Variants in MYO3B observed in about 807,000 individuals in gnomAD.
The protein encoded by MYO3B is myosin IIIB, also known as myosin-IIIb.
MYO3B carries 156 observed loss-of-function variants against 174.6 expected under a neutral mutation model. That is an observed-to-expected ratio of 0.89 (90% CI 0.78 to 1.02). MYO3B has a LOEUF of 1.02. Ranked by LOEUF, MYO3B falls within the 50% of genes least tolerant of loss-of-function variation. The pLI, the probability that MYO3B is intolerant of heterozygous loss-of-function variation, is 0.00. For missense variants in MYO3B, 1,632 were observed against 1,639.4 expected (o/e 1.00, Z 0.08); for synonymous variants, 563 against 569.1 (o/e 0.99, Z 0.15).
At position 170,646,151 on chromosome 2, in the gene MYO3B, A is replaced by T. The variant is rs1220540791; in HGVS notation, c.3734-5477A>T. On this transcript the variant is annotated intron_variant, in intron 32 of 34. Transcript: ENST00000408978. Reference sequence around the variant, plus strand: ...CCGGGCGTGGCGGCACATGCCTGTAATCCCAGCTACTAGGGAGGCTGAGGA... The same window carrying T: ...CCGGGCGTGGCGGCACATGCCTGTATTCCCAGCTACTAGGGAGGCTGAGGA... 3.3e-5 allele frequency among the ~76,000 whole-genome samples: 5 copies of T among 151,868 alleles called. 1 individual carries two copies. Among genetic ancestry groups the T allele is most frequent in the African/African-American group, 1.2e-4 (5 of 41,388 alleles).
At chr2:170,378,481 G>A (rs2094310604) in intron 9 of MYO3B, among the ~76,000 whole-genome samples, 1 of 152,160 alleles carries the variant, frequency 6.6e-6, no homozygotes, top group South Asian at 2.1e-4. Context: ...GCCACACATT[G>A]CTACTAATAG....
chr2:170,643,241 A>C (rs1355070952), intron 32 of MYO3B, among the ~76,000 whole-genome samples: 2 of 152,236 alleles, frequency 1.3e-5, no homozygotes, highest in African/African-American at 2.4e-5. Context: ...AAATGAGATG[A>C]AGTAAACAAA....
intron 32 of MYO3B, among the ~76,000 whole-genome samples, chr2:170,651,149 C>T (rs1364327058): frequency 6.6e-6 from 1 of 152,152 alleles, no homozygotes; most frequent in Non-Finnish European, 1.5e-5. Flanking sequence ...TAAATTTTAG[C>T]TCAAGCCATT....
chr2:170,546,321 A>G (rs1162031820), intron 32 of MYO3B, among the ~76,000 whole-genome samples: 1 of 152,230 alleles, frequency 6.6e-6, no homozygotes, highest in Admixed American at 6.5e-5. Context: ...AACCTAGCCT[A>G]GGTCTCGAAT....
intron 8 of MYO3B, among the ~76,000 whole-genome samples, chr2:170,365,991 G>T (rs1175380121): frequency 6.6e-6 from 1 of 152,114 alleles, no homozygotes; most frequent in Non-Finnish European, 1.5e-5. Flanking sequence ...TTTGTTTTGC[G>T]TTAAATGAAG....
chr2:170,546,998 G>T (rs887810415), intron 32 of MYO3B, among the ~76,000 whole-genome samples: 6 of 152,070 alleles, frequency 3.9e-5, no homozygotes, highest in Non-Finnish European at 7.4e-5. Flanking sequence ...TAAATATGGG[G>T]CTTAAACAAG....
At chr2:170,419,942 T>C (rs1211634168) in intron 22 of MYO3B, among the ~76,000 whole-genome samples, 1 of 152,168 alleles carries the variant, frequency 6.6e-6, no homozygotes, top group Non-Finnish European at 1.5e-5. Flanking sequence ...CCCAGCACTT[T>C]GGGAGGCCGA....
Position 170,649,244 on chromosome 2 carries a change from ATATATAAAATAATATATAATATAT to A in MYO3B, c.3734-2377_3734-2354del, listed in dbSNP as rs1367656964. 1.2e-4 allele frequency among the ~76,000 whole-genome samples: 6 copies of A among 50,582 alleles called. 1 individual carries two copies. The highest frequency in any genetic ancestry group is 5.8e-4 in the African/African-American group (6 of 10,404). 33.2% of individuals were successfully genotyped at this position (50,582 alleles called of 152,430 possible). ...TATTATATATAAAATAATATATATT[ATATATAAAATAATATATAATATAT>A]TATATATAAAATAATATATATTATA... On this transcript the variant is annotated intron_variant, in intron 32 of 34. Coordinates refer to ENST00000408978, the MANE Select transcript of MYO3B (RefSeq NM_138995.5).
chr2:170,421,251 C>T (rs967467309), intron 22 of MYO3B, among the ~76,000 whole-genome samples: 1 of 152,104 alleles, frequency 6.6e-6, no homozygotes, highest in Non-Finnish European at 1.5e-5. Context: ...ATTCAGAAGG[C>T]GCTCCATTCA....
chr2:170,253,888 C>CG (rs902536290), intron 7 of MYO3B, among the ~76,000 whole-genome samples: 4 of 10,194 alleles, frequency 3.9e-4, no homozygotes, highest in African/African-American at 1.2e-3. Flanking sequence ...GTTCTGGGGA[C>CG]GGGGGGCGGG....
At chr2:170,595,083 G>A (rs1044920003) in intron 32 of MYO3B, among the ~76,000 whole-genome samples, 9 of 152,194 alleles carry the variant, frequency 5.9e-5, no homozygotes, top group African/African-American at 2.2e-4. Flanking sequence ...CTGACATCGA[G>A]CCATGGGATC....
intron 32 of MYO3B, among the ~76,000 whole-genome samples, chr2:170,633,170 C>A (rs1005372354): frequency 2.0e-5 from 3 of 152,232 alleles, no homozygotes; most frequent in East Asian, 1.9e-4. Flanking sequence ...CACAACAAAA[C>A]AAGAGAATTT....
intron 7 of MYO3B, among the ~76,000 whole-genome samples, chr2:170,300,928 G>A (rs1413240644): frequency 2.0e-5 from 3 of 152,180 alleles, no homozygotes; most frequent in Non-Finnish European, 2.9e-5. Flanking sequence ...TAAAATCTCA[G>A]GAAGAGGTGC....
chr2:170,459,753 C>G (rs560721043), intron 23 of MYO3B, among the ~76,000 whole-genome samples: 1 of 152,162 alleles, frequency 6.6e-6, no homozygotes, highest in Non-Finnish European at 1.5e-5. Context: ...TTGGGCATGG[C>G]GGGCTGCGGG....
chr2:170,258,510 A>G (rs1339226699), intron 7 of MYO3B, among the ~76,000 whole-genome samples: 2 of 152,136 alleles, frequency 1.3e-5, no homozygotes, highest in Non-Finnish European at 2.9e-5. Context: ...AAAATCCGAT[A>G]TTCAGTTAAG....
chr2:170,477,992 A>G (rs567023752), intron 25 of MYO3B, among the ~76,000 whole-genome samples: 50 of 152,256 alleles, frequency 3.3e-4, no homozygotes, highest in African/African-American at 1.2e-3. Flanking sequence ...CAGTCACAAG[A>G]TGGCTATTGC....
At chr2:170,277,829 A>G (rs529794924) in intron 7 of MYO3B, among the ~76,000 whole-genome samples, 2 of 152,230 alleles carry the variant, frequency 1.3e-5, no homozygotes, top group Non-Finnish European at 2.9e-5. Flanking sequence ...TGTAAAATAC[A>G]TACATATGCA....
intron 17 of MYO3B, 88 bp downstream of exon 17, chr2:170,400,402 CTTTT>C (rs10676575): frequency 1.3e-3 from 1,275 of 995,892 alleles, no homozygotes; most frequent in East Asian, 1.6e-3. Context: ...TTTGCTGGTC[CTTTT>C]TTTTTTTTTT....
chr2:170,405,002 T>C (rs899879869), intron 20 of MYO3B, among the ~76,000 whole-genome samples: 2 of 152,212 alleles, frequency 1.3e-5, no homozygotes, highest in African/African-American at 4.8e-5. Context: ...GCGAGGTGCT[T>C]GGGGCAATGA....
Sources: gnomAD v4.1 joint callset for allele counts (sites outside exome capture counted in the v4.1 genomes callset) on GRCh38, gnomAD v4.1.1 for gene constraint, MANE v1.5 for transcripts, NCBI Gene and HGNC (gene_info 2026-07-23, HGNC 2026-07-21) for gene names.